Variants in CSMD1 observed in about 807,000 individuals in gnomAD.
The protein encoded by CSMD1 is CUB and Sushi multiple domains 1, also known as CUB and sushi domain-containing protein 1.
Under a neutral mutation model 417.5 loss-of-function variants are expected in CSMD1, and 213 were observed. The observed-to-expected ratio is 0.51, with a 90% CI of 0.46 to 0.57. The LOEUF (loss-of-function observed/expected upper bound fraction) is 0.57, where lower values mean the gene tolerates loss of function less well. Among genes scored for constraint, CSMD1 ranks in the 20% least tolerant of loss-of-function variants. CSMD1 has a pLI of 0.00. For missense variants in CSMD1, 6,923 were observed against 4,529.7 expected, an observed-to-expected ratio of 1.53 and a Z score of -15.17; for synonymous variants, 2,862 against 1,736.8, an observed-to-expected ratio of 1.65 and a Z score of -16.11.
intron 3 of CSMD1, among the ~76,000 whole-genome samples, chr8:4,394,232 A>G (rs1804054506): frequency 6.6e-6 from 1 of 152,180 alleles, no homozygotes; most frequent in Non-Finnish European, 1.5e-5. Context: ...AACAGTAATT[A>G]TTTTATTCTT....
At chr8:4,799,398 C>T (rs1331534845) in intron 1 of CSMD1, among the ~76,000 whole-genome samples, 1 of 151,424 alleles carries the variant, frequency 6.6e-6, no homozygotes, top group Non-Finnish European at 1.5e-5. Context: ...AATAGTCATC[C>T]TCAGCCCGGC....
chr8:3,575,526 A>G (rs1189176494), intron 9 of CSMD1, among the ~76,000 whole-genome samples: 2 of 152,170 alleles, frequency 1.3e-5, no homozygotes, highest in South Asian at 2.1e-4. Context: ...TACGTCTTAC[A>G]CTGTCTGACC....
intron 2 of CSMD1, among the ~76,000 whole-genome samples, chr8:4,602,505 A>G (rs908830843): frequency 2.0e-5 from 3 of 152,236 alleles, no homozygotes; most frequent in Admixed American, 2.0e-4. Context: ...AGGTACGCAT[A>G]CAATAAAACC....
intron 1 of CSMD1, among the ~76,000 whole-genome samples, chr8:4,714,063 T>C (rs953087767): frequency 4.6e-5 from 7 of 152,114 alleles, no homozygotes; most frequent in Middle Eastern, 3.4e-3. Flanking sequence ...GAGGATCACC[T>C]GAACCCGGGA....
intron 8 of CSMD1, among the ~76,000 whole-genome samples, chr8:3,588,042 G>A (rs2117009531): frequency 6.6e-6 from 1 of 151,892 alleles, no homozygotes; most frequent in South Asian, 2.1e-4. Flanking sequence ...CATCGTTTTT[G>A]ATCATTGGTC....
In CSMD1 at chr8:4,565,356, A is replaced by G. The variant is rs55852923; in HGVS notation, c.302+71986T>C. ...AGTCTGCCTAAAAATGGCTTGTAAC[A>G]AGCCATGTGCAGCTGTGGTATGCCC... On this transcript the variant is annotated intron_variant, in intron 2 of 69. Coordinates refer to ENST00000635120, the MANE Select transcript of CSMD1 (RefSeq NM_033225.6). Among the ~76,000 whole-genome samples, 649 of 152,316 alleles carry G rather than the reference A, an allele frequency of 4.3e-3. 3 individuals carry two copies. Among genetic ancestry groups the G allele is most frequent in the African/African-American group, 0.015 (625 of 41,576 alleles).
intron 25 of CSMD1, among the ~76,000 whole-genome samples, chr8:3,296,182 G>A (rs991314187): frequency 1.3e-5 from 2 of 152,008 alleles, no homozygotes; most frequent in South Asian, 2.1e-4. Flanking sequence ...AGTATTAAAT[G>A]GGGTGGTTAG....
At chr8:4,434,367 C>G (rs1160494628) in intron 2 of CSMD1, among the ~76,000 whole-genome samples, 6 of 152,076 alleles carry the variant, frequency 3.9e-5, no homozygotes. Flanking sequence ...CTGTCTCTAA[C>G]TAACTAACTG....
rs1554473643 is a variant in CSMD1 at position 4,764,885 on chromosome 8, A to AACAAAAAAAAAAAACAAAACAAAAC, written c.86-127328_86-127327insGTTTTGTTTTGTTTTTTTTTTTTGT. 8.0e-5 allele frequency among the ~76,000 whole-genome samples: 6 copies of AACAAAAAAAAAAAACAAAACAAAAC among 74,786 alleles called. No individual in the cohort carries two copies. In the South Asian group the frequency reaches 2.9e-3, roughly 36 times the overall value. 49.1% of individuals were successfully genotyped at this position (74,786 alleles called of 152,430 possible). On this transcript the variant is annotated intron_variant, in intron 1 of 69. Transcript: ENST00000635120. Reference sequence around the variant, plus strand: ...GAGACTCCATCTCAAAAAAAAAAAAAAAAAAAAAACAACAACAACAAAAAA... The same window carrying AACAAAAAAAAAAAACAAAACAAAAC: ...GAGACTCCATCTCAAAAAAAAAAAAAACAAAAAAAAAAAACAAAACAAAACAAAAAAAAACAACAACAACAAAAAA...
chr8:4,324,411 C>T (rs1799436444), intron 3 of CSMD1, among the ~76,000 whole-genome samples: 1 of 152,196 alleles, frequency 6.6e-6, no homozygotes, highest in South Asian at 2.1e-4. Context: ...GTTCCTCACC[C>T]TGGCAGGAAA....
In CSMD1 at chr8:4,142,586, GT is replaced by G. The variant is rs948684761; in HGVS notation, c.416-110488del. 5.3e-5 allele frequency among the ~76,000 whole-genome samples: 8 copies of G among 150,930 alleles called. 1 individual carries two copies. Among genetic ancestry groups the G allele is most frequent in the African/African-American group, 2.0e-4 (8 of 40,382 alleles). On this transcript the variant is annotated intron_variant, in intron 3 of 69. Transcript: ENST00000635120. The stretch of plus-strand genomic sequence containing the variant: ...TTTTTATTATATGGTAGAAAAACAC[GT>G]TTTTTTCAATTGCTAGCTTAGCAGC...
intron 8 of CSMD1, among the ~76,000 whole-genome samples, chr8:3,595,028 C>G (rs983403796): frequency 6.6e-6 from 1 of 152,196 alleles, no homozygotes; most frequent in Non-Finnish European, 1.5e-5. Flanking sequence ...CTCTCAGCAT[C>G]CACGCGGCAC....
intron 2 of CSMD1, among the ~76,000 whole-genome samples, chr8:4,476,210 G>C (rs895076456): frequency 2.0e-5 from 3 of 151,832 alleles, no homozygotes; most frequent in Admixed American, 6.6e-5. Flanking sequence ...CTTTTTAACA[G>C]AAAATAAAAC....
Position 4,562,775 on chromosome 8 carries a change from T to C in CSMD1, c.302+74567A>G, listed in dbSNP as rs1585253564. Among the ~76,000 whole-genome samples, 4 of 152,210 alleles carry C rather than the reference T, an allele frequency of 2.6e-5. No homozygotes were observed. The South Asian group carries it at 8.3e-4, about 32-fold the overall frequency. On this transcript the variant is annotated intron_variant, in intron 2 of 69. Transcript: ENST00000635120. ...GGCTGTTAGCAGAGTCAAGAATATA[T>C]ATCCTAAAAGGTATATCATATAAAT...
At chr8:3,510,196 T>C (rs1797004819) in intron 10 of CSMD1, among the ~76,000 whole-genome samples, 1 of 150,178 alleles carries the variant, frequency 6.7e-6, no homozygotes, top group Admixed American at 6.6e-5. Context: ...TGCTGTACTG[T>C]GGGGCTGGAC....
chr8:4,140,757 C>G (rs1443259535), intron 3 of CSMD1, among the ~76,000 whole-genome samples: 2 of 150,944 alleles, frequency 1.3e-5, no homozygotes, highest in South Asian at 4.1e-4. Flanking sequence ...TCTTCATCTC[C>G]TCCCCTCCAG....
At chr8:4,797,170 G>A (rs989169398) in intron 1 of CSMD1, among the ~76,000 whole-genome samples, 1 of 152,176 alleles carries the variant, frequency 6.6e-6, no homozygotes, top group Non-Finnish European at 1.5e-5. Flanking sequence ...AGCATCTCAG[G>A]CTCCAGGCAG....
chr8:3,381,752 A>C (rs1810642050), intron 18 of CSMD1, among the ~76,000 whole-genome samples: 1 of 152,200 alleles, frequency 6.6e-6, no homozygotes, highest in Non-Finnish European at 1.5e-5. Context: ...ATAATACCAA[A>C]AAATGTAGAG....
intron 2 of CSMD1, among the ~76,000 whole-genome samples, chr8:4,559,662 G>T (rs934391831): frequency 6.6e-6 from 1 of 152,144 alleles, no homozygotes; most frequent in Non-Finnish European, 1.5e-5. Flanking sequence ...TCATATTTAT[G>T]TAACCTATAC....
Sources: gnomAD v4.1 joint callset for allele counts (sites outside exome capture counted in the v4.1 genomes callset) on GRCh38, gnomAD v4.1.1 for gene constraint, MANE v1.5 for transcripts, NCBI Gene and HGNC (gene_info 2026-07-23, HGNC 2026-07-21) for gene names.